TOX2: variants seen among roughly 807,000 people sequenced by gnomAD.
TOX2 encodes the protein granulosa cell HMG box 1.
Under a neutral mutation model 47.4 loss-of-function variants are expected in TOX2, and 15 were observed. That is an observed-to-expected ratio of 0.32 (90% CI 0.21 to 0.49). The LOEUF is 0.49. Ranked by LOEUF, TOX2 falls within the 20% of genes least tolerant of loss-of-function variation. The pLI is 0.99. For synonymous variants in TOX2, 290 were observed against 296.6 expected (o/e 0.98, Z 0.23); for missense variants, 622 against 673.1 (o/e 0.92, Z 0.84).
intron 5 of TOX2, among the ~76,000 whole-genome samples, chr20:44,057,990 A>G (rs2071651438): frequency 6.6e-6 from 1 of 151,532 alleles, no homozygotes; most frequent in South Asian, 2.1e-4. Flanking sequence ...GAGCAGAAAA[A>G]TGGCAGGAAG....
At chr20:44,038,410 C>A (rs1027805845) in intron 3 of TOX2, among the ~76,000 whole-genome samples, 3 of 151,928 alleles carry the variant, frequency 2.0e-5, no homozygotes, top group South Asian at 4.2e-4. Context: ...GTTTCTGAAC[C>A]CTCTCAAACT....
In TOX2 at chr20:44,026,255, A is replaced by G. The variant is rs1350816220; in HGVS notation, c.411+19463A>G. Among the ~76,000 whole-genome samples, 10 of 85,314 alleles carry G rather than the reference A, an allele frequency of 1.2e-4. 1 individual carries two copies. Among genetic ancestry groups the G allele is most frequent in the Non-Finnish European group, 1.0e-4 (4 of 38,838 alleles). The allele number at this position is 85,314 out of a possible 152,430, so 56.0% of individuals were successfully genotyped here. ...TATATATATATATATATATAGACAC[A>G]CACACACACAATGGAATACTACTCA... On this transcript the variant is annotated intron_variant, in intron 3 of 8. Coordinates refer to ENST00000341197, the MANE Select transcript of TOX2 (RefSeq NM_001098797.2).
At chr20:44,029,566 C>G (rs1292364046) in intron 3 of TOX2, among the ~76,000 whole-genome samples, 1 of 152,114 alleles carries the variant, frequency 6.6e-6, no homozygotes, top group Non-Finnish European at 1.5e-5. Flanking sequence ...TTAAAAGAAC[C>G]ACTTGACCCC....
intron 1 of TOX2, among the ~76,000 whole-genome samples, chr20:43,934,282 C>G (rs1029341830): frequency 3.9e-5 from 6 of 151,984 alleles, no homozygotes; most frequent in African/African-American, 1.5e-4. Context: ...AGGAGGAGAA[C>G]ATAGAGGAAT....
At chr20:43,978,241 T>TA (rs1355883773) in intron 2 of TOX2, among the ~76,000 whole-genome samples, 2 of 152,144 alleles carry the variant, frequency 1.3e-5, no homozygotes, top group African/African-American at 4.8e-5. Context: ...CCGATATCCT[T>TA]ATCTCAAGGA....
intron 1 of TOX2, among the ~76,000 whole-genome samples, chr20:43,958,808 G>T (rs1361274374): frequency 6.6e-6 from 1 of 152,226 alleles, no homozygotes; most frequent in Non-Finnish European, 1.5e-5. Flanking sequence ...AATAACGGTG[G>T]GCCATCCATC....
At chr20:43,955,043 A>G (rs943428830) in intron 1 of TOX2, 2 of 173,754 alleles carry the variant, frequency 1.2e-5, no homozygotes, top group African/African-American at 2.4e-5. Context: ...TTGGCCCCCA[A>G]AATCTGACCT....
At chr20:43,987,912 CTTTT>C (rs762084312) in intron 2 of TOX2, among the ~76,000 whole-genome samples, 63 of 70,014 alleles carry the variant, frequency 9.0e-4, no homozygotes, top group South Asian at 1.5e-3. Flanking sequence ...ATATCAACAT[CTTTT>C]TTTTTTTTTT....
At chr20:43,951,707 G>GGTTTGTTTTTTTTTTTTTTTTTTTTTTT (rs745489872) in intron 1 of TOX2, among the ~76,000 whole-genome samples, 3 of 55,098 alleles carry the variant, frequency 5.4e-5, no homozygotes, top group African/African-American at 1.6e-4. Context: ...AACTTATTAT[G>GGTTTGTTTTTTTTTTTTTTTTTTTTTTT]TTTTTTTTTT....
chr20:43,932,764 AG>A (rs1389496471), intron 1 of TOX2, among the ~76,000 whole-genome samples: 12 of 144,518 alleles, frequency 8.3e-5, no homozygotes, highest in African/African-American at 3.3e-4. Flanking sequence ...GGGGTTGGAG[AG>A]GGGTTGCTGC....
At chr20:44,005,722 C>G (rs6017240) in intron 2 of TOX2, among the ~76,000 whole-genome samples, 10 of 152,076 alleles carry the variant, frequency 6.6e-5, no homozygotes, top group African/African-American at 2.2e-4. Context: ...GAATTTGATA[C>G]AATTGAAAAG....
At chr20:43,925,383 T>C (rs1395727928) in intron 1 of TOX2, among the ~76,000 whole-genome samples, 1 of 152,168 alleles carries the variant, frequency 6.6e-6, no homozygotes. Flanking sequence ...GCAGACTCTA[T>C]TGCGGTGTGG....
chr20:43,940,469 C>A (rs945405392), intron 1 of TOX2, among the ~76,000 whole-genome samples: 2 of 151,886 alleles, frequency 1.3e-5, no homozygotes, highest in African/African-American at 4.8e-5. Flanking sequence ...AGCAATCCTC[C>A]CATCTCGGCC....
chr20:44,066,215 C>T (rs867668130), intron 7 of TOX2, 108 bp downstream of exon 7: 4 of 1,254,764 alleles, frequency 3.2e-6, no homozygotes, highest in Non-Finnish European at 4.3e-6. Context: ...TAACCTCAGC[C>T]TTGGCACCTG....
rs1257892853 is a variant in TOX2 at position 44,006,590 on chromosome 20, C to A, written c.209C>A (p.Pro70His). 1.2e-6 allele frequency: 2 copies of A among 1,613,886 alleles called. No homozygotes were observed. Among genetic ancestry groups the A allele is most frequent in the African/African-American group, 2.7e-5 (2 of 74,882 alleles). Residue 70 changes from proline to histidine, a missense_variant, in exon 3 of 9, where the codon CCC becomes CAC. Transcript: ENST00000341197. The stretch of plus-strand genomic sequence containing the variant: ...GAGAACAACGAAGACTATGAGATCC[C>A]CCCGATAACACCTCCCAACCTCCCG... ...QSENNEDYEI[P>H]PITPPNLPEP...
intron 1 of TOX2, among the ~76,000 whole-genome samples, chr20:43,952,344 T>C (rs1018298505): frequency 6.6e-6 from 1 of 152,180 alleles, no homozygotes; most frequent in Admixed American, 6.5e-5. Flanking sequence ...GGCCTAAACT[T>C]AACTGAGCAT....
chr20:44,051,246 A>T, intron 3 of TOX2, 60 bp from the exon 4 acceptor site: 1 of 1,542,974 alleles, frequency 6.5e-7, no homozygotes, highest in East Asian at 2.3e-5. Flanking sequence ...GCTAGCACAG[A>T]TGTGATGGAG....
At chr20:44,021,884 C>T (rs540702300) in intron 3 of TOX2, among the ~76,000 whole-genome samples, 1 of 152,012 alleles carries the variant, frequency 6.6e-6, no homozygotes, top group Non-Finnish European at 1.5e-5. Flanking sequence ...GATCCTCCCA[C>T]TTTGGCCTCC....
chr20:43,988,889 G>A (rs1482155647), intron 2 of TOX2, among the ~76,000 whole-genome samples: 2 of 152,226 alleles, frequency 1.3e-5, no homozygotes, highest in African/African-American at 4.8e-5. Context: ...CTAGAAGTGA[G>A]AACACTGGGT....
Sources: gnomAD v4.1 joint callset for allele counts (sites outside exome capture counted in the v4.1 genomes callset) on GRCh38, gnomAD v4.1.1 for gene constraint, MANE v1.5 for transcripts, NCBI Gene and HGNC (gene_info 2026-07-23, HGNC 2026-07-21) for gene names.